Variants in KCNJ16 observed in about 807,000 individuals in gnomAD.
The protein encoded by KCNJ16 is potassium inwardly rectifying channel subfamily J member 16.
In KCNJ16, 15 loss-of-function variants were observed where a neutral mutation model predicts 18.5. The observed-to-expected ratio is 0.81, with a 90% CI of 0.54 to 1.25. The LOEUF (loss-of-function observed/expected upper bound fraction) is 1.25, where lower values mean the gene tolerates loss of function less well. KCNJ16 is among the 50% of genes most tolerant of loss of function. KCNJ16 has a pLI of 0.00. For synonymous variants in KCNJ16, 174 were observed against 186.5 expected (o/e 0.93, Z 0.55); for missense variants, 523 against 525.7 (o/e 0.99, Z 0.05).
chr17:70,109,562 T>TC (rs11285640), intron 2 of KCNJ16, among the ~76,000 whole-genome samples: 3 of 151,990 alleles, frequency 2.0e-5, no homozygotes, highest in African/African-American at 7.3e-5. Context: ...CTCTTTCTCT[T>TC]CCCCCTGTTC....
chr17:70,103,206 ATT>A (rs1156297034), intron 2 of KCNJ16, among the ~76,000 whole-genome samples: 5 of 143,114 alleles, frequency 3.5e-5, no homozygotes, highest in African/African-American at 1.3e-4. Context: ...GTGTATATAT[ATT>A]TTTGTGTATA....
chr17:70,092,560 GATAGAT>G (rs1464011953), intron 1 of KCNJ16, among the ~76,000 whole-genome samples: 85 of 30,986 alleles, frequency 2.7e-3, no homozygotes, highest in Non-Finnish European at 6.4e-3. Flanking sequence ...ATAGATAGAT[GATAGAT>G]ATAGATAGAT....
chr17:70,084,621 C>A (rs1020881574), intron 1 of KCNJ16, among the ~76,000 whole-genome samples: 10 of 152,126 alleles, frequency 6.6e-5, no homozygotes, highest in Non-Finnish European at 1.3e-4. Context: ...GCTTCATTTC[C>A]TCTGGTAGAG....
intron 2 of KCNJ16, among the ~76,000 whole-genome samples, chr17:70,116,549 T>C (rs2073414420): frequency 6.6e-6 from 1 of 152,230 alleles, no homozygotes; most frequent in South Asian, 2.1e-4. Flanking sequence ...CATTTGAATA[T>C]ATCTTTAAAG....
chr17:70,081,826 G>A (rs563949989), intron 1 of KCNJ16, among the ~76,000 whole-genome samples: 4 of 152,116 alleles, frequency 2.6e-5, no homozygotes, highest in South Asian at 4.2e-4. Context: ...GTGTGTGTGT[G>A]TGTGTGTGTA....
At chr17:70,081,923 G>C (rs2071572561) in intron 1 of KCNJ16, among the ~76,000 whole-genome samples, 1 of 152,044 alleles carries the variant, frequency 6.6e-6, no homozygotes, top group Non-Finnish European at 1.5e-5. Flanking sequence ...GGTTATTTTA[G>C]ACATGAAAAT....
At chr17:70,078,361 AAGGT>A (rs1185929013) in intron 1 of KCNJ16, among the ~76,000 whole-genome samples, 1 of 152,182 alleles carries the variant, frequency 6.6e-6, no homozygotes, top group East Asian at 1.9e-4. Context: ...GCATAAAAAA[AAGGT>A]GATTTTTACC....
rs192899933 is a variant in KCNJ16 at position 70,095,948 on chromosome 17, T to C, written c.-299-4710T>C. On this transcript the variant is annotated intron_variant, in intron 1 of 3. Transcript: ENST00000392671. Reference sequence around the variant, plus strand: ...CCCAGGCTGTAGTGCAGTGGCACTATCTCGGCTCACTGCAAGCTCCGCCTC... The same window carrying C: ...CCCAGGCTGTAGTGCAGTGGCACTACCTCGGCTCACTGCAAGCTCCGCCTC... Among the ~76,000 whole-genome samples the C allele has an allele frequency of 1.1e-3, 159 of 143,036 alleles. 1 individual carries two copies. The East Asian group carries it at 0.016, about 15-fold the overall frequency. The allele number at this position is 143,036 out of a possible 152,430, so 93.8% of individuals were successfully genotyped here. A position where few individuals can be genotyped will look rare whatever the true frequency, so the allele number is the denominator to read the frequency against.
rs1482883917 is a variant in KCNJ16 at position 70,097,743 on chromosome 17, G to A, written c.-299-2915G>A. 2.0e-5 allele frequency among the ~76,000 whole-genome samples: 3 copies of A among 152,060 alleles called. No individual in the cohort carries two copies. The East Asian group carries it at 5.8e-4, about 29-fold the overall frequency. On this transcript the variant is annotated intron_variant, in intron 1 of 3. Transcript: ENST00000392671. ...ACCATCCATAGACCTGATTGCATCT[G>A]TATCCACTCTTTCCTTGCAAAGAAC...
chr17:70,131,613 A>C (rs1021063494), intron 3 of KCNJ16: 1 of 364,886 alleles, frequency 2.7e-6, no homozygotes, highest in South Asian at 8.4e-5. Context: ...TGCTAGACAC[A>C]TATCTGAATT....
chr17:70,120,099 T>C (rs1273656744), intron 2 of KCNJ16, among the ~76,000 whole-genome samples: 2 of 152,202 alleles, frequency 1.3e-5, no homozygotes, highest in Non-Finnish European at 2.9e-5. Context: ...ACCTAAATTA[T>C]CACTATGAAG....
At chr17:70,093,336 C>T (rs779580487) in intron 1 of KCNJ16, among the ~76,000 whole-genome samples, 20 of 152,112 alleles carry the variant, frequency 1.3e-4, no homozygotes, top group South Asian at 2.1e-4. Context: ...GGAGAATGTC[C>T]CCTTTCCACT....
At chr17:70,119,632 T>C (rs1293036895) in intron 2 of KCNJ16, among the ~76,000 whole-genome samples, 2 of 152,184 alleles carry the variant, frequency 1.3e-5, no homozygotes, top group African/African-American at 4.8e-5. Flanking sequence ...TCTGGGGCCC[T>C]TTGAGCTAAG....
intron 2 of KCNJ16, among the ~76,000 whole-genome samples, chr17:70,110,878 C>T (rs987926177): frequency 1.6e-4 from 25 of 152,092 alleles, no homozygotes; most frequent in Non-Finnish European, 3.5e-4. Context: ...CTTTCCTTGC[C>T]GATGTTTTAG....
chr17:70,092,552 A>AGAT (rs2072155587), intron 1 of KCNJ16, among the ~76,000 whole-genome samples: 1 of 29,386 alleles, frequency 3.4e-5, no homozygotes, highest in African/African-American at 9.2e-5. Flanking sequence ...AGATAGATAT[A>AGAT]GATAGATGAT....
intron 2 of KCNJ16, among the ~76,000 whole-genome samples, chr17:70,129,647 T>A (rs898198584): frequency 1.3e-5 from 2 of 152,204 alleles, no homozygotes; most frequent in Admixed American, 6.5e-5. Context: ...AAGTTAATGA[T>A]CACAATAATG....
chr17:70,132,582 T>C lies in KCNJ16; in HGVS notation c.495T>C (p.Ile165=), dbSNP rs759355058. Residue 165 remains isoleucine, a synonymous_variant, in exon 4 of 4, where the codon ATT becomes ATC. Coordinates refer to ENST00000392671, the MANE Select transcript of KCNJ16 (RefSeq NM_170741.4). ...GTTGCATCATAAATACCTTTATCAT[T>C]GGAGCTGCCTTGGCCAAAATGGCAA... The part of the protein sequence containing the change: ...ILSCIINTFI[I]GAALAKMATA... 12 of 1,614,112 alleles carry C rather than the reference T, an allele frequency of 7.4e-6. No homozygotes were observed. The South Asian group carries it at 1.2e-4, about 16-fold the overall frequency.
At chr17:70,104,382 G>A (rs1360919030) in intron 2 of KCNJ16, among the ~76,000 whole-genome samples, 1 of 152,172 alleles carries the variant, frequency 6.6e-6, no homozygotes, top group Admixed American at 6.5e-5. Context: ...CTTTGTCCTT[G>A]GAGTCACTAC....
chr17:70,133,146 A>G lies in KCNJ16; in HGVS notation c.1059A>G (p.Ile353Met). 3 of 1,614,218 alleles carry G rather than the reference A, an allele frequency of 1.9e-6. No homozygotes were observed. The highest frequency in any genetic ancestry group is 1.7e-6 in the Non-Finnish European group (2 of 1,180,030). The change falls in exon 4 of 4, where the codon ATA becomes ATG. Residue 353 changes from isoleucine to methionine, a missense_variant. Physicochemically the swap from Ile to Met is conservative, Grantham distance 10 (BLOSUM62 1). Coordinates refer to ENST00000392671, the MANE Select transcript of KCNJ16 (RefSeq NM_170741.4). ...ACTGGAAAGACCAGCAGCTCCACAT[A>G]GAAAAAGCACCACCAGTTCGAGAAT... ...QLDWKDQQLH[I>M]EKAPPVRESC... is the part of the protein sequence containing the mutation.
Sources: allele counts gnomAD v4.1 joint callset (sites outside exome capture counted in the v4.1 genomes callset), GRCh38; gene constraint gnomAD v4.1.1; transcripts MANE v1.5; gene names NCBI Gene and HGNC (gene_info 2026-07-23, HGNC 2026-07-21).